Variants in MYCBP2 observed in about 807,000 individuals in gnomAD.
MYCBP2 encodes the protein E3 ubiquitin-protein ligase MYCBP2.
Under a neutral mutation model 525.3 loss-of-function variants are expected in MYCBP2, and 120 were observed. The ratio of observed to expected loss-of-function variants is 0.23; its 90% CI spans 0.20 to 0.27. The LOEUF (loss-of-function observed/expected upper bound fraction) is 0.27, where lower values mean the gene tolerates loss of function less well. Ranked by LOEUF, MYCBP2 falls within the 10% of genes least tolerant of loss-of-function variation. The probability of loss-of-function intolerance (pLI) is 1.00; values close to 1 mark genes in which losing one functional copy is unlikely to be tolerated. For missense variants in MYCBP2, 4,149 were observed against 5,657.1 expected (o/e 0.73, Z 8.55); for synonymous variants, 1,894 against 1,955.8 (o/e 0.97, Z 0.83).
chr13:77,122,389 T>C (rs1373260751), intron 54 of MYCBP2, among the ~76,000 whole-genome samples: 1 of 152,074 alleles, frequency 6.6e-6, no homozygotes, highest in Non-Finnish European at 1.5e-5. Flanking sequence ...TTAAGTATCT[T>C]AAATATCTTT....
rs553867729 is a variant in MYCBP2, at chr13:77,305,252, C to A, written c.303-8578G>T. Among the ~76,000 whole-genome samples, 156 of 152,012 alleles carry A rather than the reference C, an allele frequency of 1.0e-3. 1 individual carries two copies. Among genetic ancestry groups the A allele is most frequent in the Middle Eastern group, 3.4e-3 (1 of 292 alleles). On this transcript the variant is annotated intron_variant, in intron 1 of 82. Coordinates refer to ENST00000544440, the MANE Select transcript of MYCBP2 (RefSeq NM_015057.5). ...CCAATATCTCCTATGAACATAGAAG[C>A]AAAAATACTGCACAGCCAAAAAATA... is the stretch of plus-strand genomic sequence containing the variant.
chr13:77,133,055 T>G (rs2154174777), intron 52 of MYCBP2, among the ~76,000 whole-genome samples: 1 of 152,250 alleles, frequency 6.6e-6, no homozygotes, highest in Middle Eastern at 3.4e-3. Flanking sequence ...GCAGTTCTAG[T>G]CAAAGTAACA....
In MYCBP2 at chr13:77,206,697, G is replaced by A. The variant is rs376198378; in HGVS notation, c.3545C>T (p.Ser1182Leu). 1.9e-6 allele frequency: 3 copies of A among 1,610,098 alleles called. No individual in the cohort carries two copies. The highest frequency in any genetic ancestry group is 1.7e-6 in the Non-Finnish European group (2 of 1,177,972). The change falls in exon 24 of 83, where the codon TCA (serine) becomes TTA (leucine). Residue 1182 changes from serine (S) to leucine (L), a missense_variant. Physicochemically the swap from Ser to Leu is moderately radical, Grantham distance 145. Coordinates refer to ENST00000544440, the MANE Select transcript of MYCBP2 (RefSeq NM_015057.5). Reference protein sequence around the residue: ...LSPELALPTGSRALTTRSHAA... With the variant: ...LSPELALPTGLRALTTRSHAA... Reference sequence around the variant, plus strand: ...ATGAGATCGGGTAGTGAGGGCCCTTGATCCTGTTGGTAAGGCAAGTTCAGG... The same window carrying A: ...ATGAGATCGGGTAGTGAGGGCCCTTAATCCTGTTGGTAAGGCAAGTTCAGG...
At chr13:77,133,416 CTG>C (rs1362934141) in intron 52 of MYCBP2, among the ~76,000 whole-genome samples, 2 of 152,130 alleles carry the variant, frequency 1.3e-5, no homozygotes, top group African/African-American at 4.8e-5. Flanking sequence ...CATCAACAAA[CTG>C]TGAAAACCTA....
intron 15 of MYCBP2, among the ~76,000 whole-genome samples, chr13:77,248,509 T>C (rs978705409): frequency 3.9e-5 from 6 of 152,098 alleles, no homozygotes; most frequent in Admixed American, 2.6e-4. Flanking sequence ...AAAAAGTATA[T>C]GGAAAGATGC....
chr13:77,216,639 T>C (rs1193314406), intron 21 of MYCBP2, among the ~76,000 whole-genome samples: 1 of 152,122 alleles, frequency 6.6e-6, no homozygotes, highest in Admixed American at 6.5e-5. Flanking sequence ...CATGAGGACA[T>C]TATCAAAGAA....
At chr13:77,213,232 T>C (rs1024884216) in intron 21 of MYCBP2, among the ~76,000 whole-genome samples, 1 of 152,160 alleles carries the variant, frequency 6.6e-6, no homozygotes, top group African/African-American at 2.4e-5. Context: ...CCCAGCACTT[T>C]GGGAGGCCGA....
rs190352670 is a variant in MYCBP2, at chr13:77,174,622, T to C, written c.5473-133A>G. On this transcript the variant is annotated intron_variant, in intron 36 of 82. Transcript: ENST00000544440. ...TACAGATGATATAATTAAATAAGTT[T>C]TTAATGAATCAAACACGATGACGGC... 3.4e-3 allele frequency: 2,319 copies of C among 681,768 alleles called. 15 individuals carry two copies. The highest frequency in any genetic ancestry group is 3.6e-3 in the Non-Finnish European group (1,506 of 416,660). The allele number at this position is 681,768 out of a possible 1,614,324, so 42.2% of individuals were successfully genotyped here. A position where few individuals can be genotyped will look rare whatever the true frequency, so the allele number is the denominator to read the frequency against.
chr13:77,288,136 A>T, intron 3 of MYCBP2, 25 bp downstream of exon 3: 1 of 1,609,454 alleles, frequency 6.2e-7, no homozygotes. Context: ...ACACATCTAA[A>T]TATTAATAGA....
At position 77,189,155 on chromosome 13, in the gene MYCBP2, A is replaced by AT. The variant is rs528460134; in HGVS notation, c.4155-109dup. The AT allele has an allele frequency of 3.1e-4, 232 of 753,262 alleles. 1 individual carries two copies. The African/African-American group carries it at 3.8e-3, about 12-fold the overall frequency. The allele number at this position is 753,262 out of a possible 1,614,324, so 46.7% of individuals were successfully genotyped here. On this transcript the variant is annotated intron_variant, in intron 29 of 82. Coordinates refer to ENST00000544440, the MANE Select transcript of MYCBP2 (RefSeq NM_015057.5). ...ATGGGAAAATAAATTATATATTTAA[A>AT]TTTTTTTGCCAGGTAATGCCAATAC...
At chr13:77,223,319 C>CTA (rs2065845504) in intron 20 of MYCBP2, among the ~76,000 whole-genome samples, 1 of 152,162 alleles carries the variant, frequency 6.6e-6, no homozygotes, top group African/African-American at 2.4e-5. Flanking sequence ...CTAAAACTCT[C>CTA]TTAATGTTAT....
At position 77,224,594 on chromosome 13, in the gene MYCBP2, T is replaced by C. The variant is rs113187583; in HGVS notation, c.2858-62A>G. The stretch of plus-strand genomic sequence containing the variant: ...ATGCATTTTACATTTCTATCACAAC[T>C]ATACTAAAAGCAGTGTAATTTTCAC... On this transcript the variant is annotated intron_variant, in intron 19 of 82. Coordinates refer to ENST00000544440, the MANE Select transcript of MYCBP2 (RefSeq NM_015057.5). 19 of 1,022,952 alleles carry C rather than the reference T, an allele frequency of 1.9e-5. 1 individual carries two copies. Among genetic ancestry groups the C allele is most frequent in the African/African-American group, 1.6e-4 (10 of 62,790 alleles). The allele number at this position is 1,022,952 out of a possible 1,614,324, so 63.4% of individuals were successfully genotyped here.
At chr13:77,214,029 C>T (rs907730956) in intron 21 of MYCBP2, among the ~76,000 whole-genome samples, 3 of 152,086 alleles carry the variant, frequency 2.0e-5, no homozygotes, top group East Asian at 1.9e-4. Context: ...AAACACATGC[C>T]CCCAAAAAGA....
intron 3 of MYCBP2, among the ~76,000 whole-genome samples, chr13:77,286,218 T>C (rs2076743649): frequency 6.6e-6 from 1 of 152,194 alleles, no homozygotes; most frequent in Non-Finnish European, 1.5e-5. Context: ...TATTTCCAAG[T>C]AGTAAAAAAT....
At chr13:77,183,541 C>CTTTTTTT (rs60927409) in intron 32 of MYCBP2, among the ~76,000 whole-genome samples, 937 of 66,092 alleles carry the variant, frequency 0.014, 133 homozygotes, top group Middle Eastern at 0.026. Flanking sequence ...GTCCCTATTT[C>CTTTTTTT]TTTTTTTTTT....
chr13:77,061,381 T>C, intron 75 of MYCBP2, 80 bp from the exon 76 acceptor site: 1 of 1,219,672 alleles, frequency 8.2e-7, no homozygotes, highest in Non-Finnish European at 1.1e-6. Context: ...AATTATTCAA[T>C]AATAATAATG....
intron 49 of MYCBP2, among the ~76,000 whole-genome samples, chr13:77,142,442 T>C (rs1025409872): frequency 6.6e-6 from 1 of 152,232 alleles, no homozygotes; most frequent in South Asian, 2.1e-4. Context: ...TATCTGAGTC[T>C]ATATAGTTAC....
chr13:77,271,705 C>T (rs1236241237), intron 5 of MYCBP2, among the ~76,000 whole-genome samples: 1 of 152,198 alleles, frequency 6.6e-6, no homozygotes, highest in Non-Finnish European at 1.5e-5. Flanking sequence ...TGACTTGCTC[C>T]TCCTTGCCTT....
rs199897420 is a variant in MYCBP2 at position 77,257,833 on chromosome 13, T to G, written c.2018-4A>C. The G allele has an allele frequency of 9.1e-4, 1,452 of 1,595,936 alleles. No homozygotes were observed. Among genetic ancestry groups the G allele is most frequent in the Non-Finnish European group, 1.1e-3 (1,347 of 1,175,152 alleles). On this transcript the variant is annotated splice_region_variant and splice_polypyrimidine_tract_variant and intron_variant, in intron 13 of 82. Coordinates refer to ENST00000544440, the MANE Select transcript of MYCBP2 (RefSeq NM_015057.5). ...CCCTTCAAATCAGTTACCAAACCTATAGGAAAGAAACAAATTTAGTAAAAA... is the reference window on the plus strand; with the variant it reads ...CCCTTCAAATCAGTTACCAAACCTAGAGGAAAGAAACAAATTTAGTAAAAA...
Sources: allele counts gnomAD v4.1 joint callset (sites outside exome capture counted in the v4.1 genomes callset), GRCh38; gene constraint gnomAD v4.1.1; transcripts MANE v1.5; gene names NCBI Gene and HGNC (gene_info 2026-07-23, HGNC 2026-07-21).